The following SPANXN4 variants were observed in gnomAD, a reference collection of about 807,000 sequenced individuals.
SPANXN4 encodes sperm protein associated with the nucleus on the X chromosome N4.
SPANXN4 carries 5 observed loss-of-function variants against 6.0 expected under a neutral mutation model. The observed-to-expected ratio is 0.83, with a 90% CI of 0.44 to 1.75. The LOEUF (loss-of-function observed/expected upper bound fraction) is 1.75. Among genes scored for constraint, SPANXN4 ranks in the 40% most tolerant of loss-of-function variants. The probability of loss-of-function intolerance (pLI) is 0.02; values close to 1 mark genes in which losing one functional copy is unlikely to be tolerated. For synonymous variants in SPANXN4, 45 were observed against 38.0 expected (o/e 1.19, Z -0.68); for missense variants, 157 against 108.6 (o/e 1.45, Z -1.98).
At chrX:143,027,372 T>G (rs1439610242) in intron 1 of SPANXN4, among the ~76,000 whole-genome samples, 3 of 110,962 alleles carry the variant, frequency 2.7e-5, no homozygotes, top group Non-Finnish European at 5.7e-5. Flanking sequence ...GTTGAGGGAA[T>G]TGTTTGTGCA....
At chrX:143,038,424 C>G (rs926527667), downstream of SPANXN4, among the ~76,000 whole-genome samples, 11 of 111,966 alleles carry the variant, frequency 9.8e-5, no homozygotes, top group African/African-American at 3.2e-4. Flanking sequence ...TGATGGCTAC[C>G]TCCACACTTG....
intron 1 of SPANXN4, among the ~76,000 whole-genome samples, chrX:143,026,480 T>C (rs12389918): frequency 0.049 from 5,412 of 111,450 alleles, 342 homozygotes; most frequent in African/African-American, 0.17. Context: ...AGAACTCCCG[T>C]GGAATGTTTC....
At chrX:143,036,285 G>A (rs1340596488), downstream of SPANXN4, among the ~76,000 whole-genome samples, 1 of 110,796 alleles carries the variant, frequency 9.0e-6, no homozygotes, top group African/African-American at 3.3e-5. Context: ...ACATGATATA[G>A]ACATGGCCCT....
At chrX:143,027,998 T>C (rs746718725) in intron 1 of SPANXN4, among the ~76,000 whole-genome samples, 2 of 110,689 alleles carry the variant, frequency 1.8e-5, no homozygotes, top group Non-Finnish European at 3.8e-5. Flanking sequence ...AGATAAAAGA[T>C]TGGAAATTGG....
intron 2 of SPANXN4, chrX:143,034,289 A>T: frequency 9.0e-7 from 1 of 1,114,268 alleles, no homozygotes; most frequent in Non-Finnish European, 1.2e-6. Context: ...GATGATTACA[A>T]TAAAATCAGT....
intron 1 of SPANXN4, among the ~76,000 whole-genome samples, chrX:143,027,564 G>T (rs1274315196): frequency 9.0e-6 from 1 of 111,439 alleles, no homozygotes; most frequent in Non-Finnish European, 1.9e-5. Flanking sequence ...TGATAGACTG[G>T]GGAGAAAGGT....
intron 1 of SPANXN4, among the ~76,000 whole-genome samples, chrX:143,027,362 G>C (rs765405345): frequency 1.8e-5 from 2 of 111,502 alleles, no homozygotes; most frequent in African/African-American, 3.3e-5. Context: ...ATAGGTTGCA[G>C]TTGAGGGAAT....
intron 2 of SPANXN4, chrX:143,034,296 C>T (rs1932831291): frequency 9.1e-7 from 1 of 1,094,352 alleles, no homozygotes; most frequent in South Asian, 2.1e-5. Flanking sequence ...ACAATAAAAT[C>T]AGTTTGAGGA....
chrX:143,034,551 G>A (rs1186107660), exon 3 of SPANXN4: 2 of 1,161,719 alleles, frequency 1.7e-6, no homozygotes, highest in East Asian at 6.5e-5. Flanking sequence ...GCACGTGCAT[G>A]TTTAGAAGAG....
intron 1 of SPANXN4, among the ~76,000 whole-genome samples, chrX:143,032,909 A>C (rs1345816779): frequency 1.8e-5 from 2 of 111,624 alleles, no homozygotes; most frequent in Non-Finnish European, 3.8e-5. Context: ...GGGATGTACC[A>C]AAGAGCTGTG....
intron 1 of SPANXN4, among the ~76,000 whole-genome samples, chrX:143,027,546 G>T (rs1231213967): frequency 9.0e-6 from 1 of 111,367 alleles, no homozygotes; most frequent in East Asian, 2.8e-4. Context: ...TGACAGTGTG[G>T]GTGGATCTGA....
chrX:143,032,832 G>A (rs749605223), intron 1 of SPANXN4, among the ~76,000 whole-genome samples: 3 of 111,230 alleles, frequency 2.7e-5, no homozygotes, highest in African/African-American at 9.8e-5. Flanking sequence ...GTGCCCAGAA[G>A]GGGAGTGAAT....
At chrX:143,037,788 T>C (rs966966988), downstream of SPANXN4, among the ~76,000 whole-genome samples, 2 of 111,350 alleles carry the variant, frequency 1.8e-5, no homozygotes, top group South Asian at 3.8e-4. Flanking sequence ...GATCTGATGA[T>C]TTTATAAGTA....
intron 1 of SPANXN4, among the ~76,000 whole-genome samples, chrX:143,030,322 C>T (rs776618821): frequency 8.1e-5 from 9 of 111,218 alleles, no homozygotes; most frequent in Non-Finnish European, 1.1e-4. Flanking sequence ...TGGGTTTGGG[C>T]TATCTGAGCT....
intron 1 of SPANXN4, among the ~76,000 whole-genome samples, 184 bp from the exon 2 acceptor site, chrX:143,033,841 A>G (rs901241009): frequency 2.7e-5 from 3 of 111,240 alleles, no homozygotes; most frequent in African/African-American, 9.8e-5. Flanking sequence ...AGTAACACAG[A>G]TGACCCTACC....
chrX:143,034,728 A>T (rs1304191026), downstream of SPANXN4: 17 of 1,104,888 alleles, frequency 1.5e-5, no homozygotes, highest in Admixed American at 3.4e-5. Context: ...ACCTCACCCT[A>T]CAGAAAGTAA....
chrX:143,034,049 T>C, exon 2 of SPANXN4: 1 of 1,177,352 alleles, frequency 8.5e-7, no homozygotes, highest in Non-Finnish European at 1.1e-6. Flanking sequence ...GCACAGAGCC[T>C]CAGCCCCTGA....
At chrX:143,033,749 C>T (rs959761060) in intron 1 of SPANXN4, among the ~76,000 whole-genome samples, 4 of 111,840 alleles carry the variant, frequency 3.6e-5, no homozygotes, top group African/African-American at 1.3e-4. Flanking sequence ...GGATGTTTCT[C>T]ATGGCCTGAA....
downstream of SPANXN4, among the ~76,000 whole-genome samples, chrX:143,037,310 T>A (rs1288649654): frequency 1.8e-5 from 2 of 111,818 alleles, no homozygotes; most frequent in Admixed American, 9.5e-5. Flanking sequence ...ATACCTCATA[T>A]CATTTCTTCT....
Sources: gnomAD v4.1 joint callset for allele counts (sites outside exome capture counted in the v4.1 genomes callset) on GRCh38, gnomAD v4.1.1 for gene constraint, MANE v1.5 for transcripts, NCBI Gene and HGNC (gene_info 2026-07-23, HGNC 2026-07-21) for gene names.